Variants in PRRC2B observed in about 807,000 individuals in gnomAD.
PRRC2B encodes protein PRRC2B.
Under a neutral mutation model 242.3 loss-of-function variants are expected in PRRC2B, and 68 were observed. That is an observed-to-expected ratio of 0.28 (90% CI 0.23 to 0.34). PRRC2B has a LOEUF of 0.34. Among genes scored for constraint, PRRC2B ranks in the 10% least tolerant of loss-of-function variants. The probability of loss-of-function intolerance (pLI) is 1.00; values close to 1 mark genes in which losing one functional copy is unlikely to be tolerated. For missense variants in PRRC2B, 2,835 were observed against 2,954.8 expected (o/e 0.96, Z 0.94); for synonymous variants, 1,228 against 1,173.6 (o/e 1.05, Z -0.95).
intron 1 of PRRC2B, among the ~76,000 whole-genome samples, chr9:131,412,791 C>CTA (rs1339762231): frequency 9.1e-6 from 1 of 109,500 alleles, no homozygotes; most frequent in African/African-American, 3.1e-5. Context: ...AGCATTCTCT[C>CTA]TCTCTCTTTT....
chr9:131,432,662 C>T lies in PRRC2B; in HGVS notation c.161C>T (p.Ala54Val), dbSNP rs1285868493. Residue 54 changes from alanine to valine, a missense_variant, in exon 3 of 32, where the codon GCC becomes GTC. Transcript: ENST00000683519. ...GLQSLGKVAA[A>V]RRMPPPANLP... ...CAGAGTCTTGGGAAAGTTGCTGCAG[C>T]CCGGCGCATGCCACCGCCTGCAAAC... The T allele has an allele frequency of 2.5e-6, 4 of 1,613,942 alleles. No individual in the cohort carries two copies. The Admixed American group carries it at 5.0e-5, about 20-fold the overall frequency.
At chr9:131,448,341 C>G (rs760361499) in intron 9 of PRRC2B, 1 of 151,850 alleles carries the variant, frequency 6.6e-6, no homozygotes. Context: ...ATCAGGAGAT[C>G]GAGACCATCC....
At chr9:131,417,898 C>G (rs193079448) in intron 1 of PRRC2B, among the ~76,000 whole-genome samples, 10 of 152,312 alleles carry the variant, frequency 6.6e-5, no homozygotes, top group Admixed American at 6.5e-4. Context: ...GAGCATGACT[C>G]TCTTTTTGTG....
chr9:131,450,423 T>C (rs1307276457), intron 9 of PRRC2B, among the ~76,000 whole-genome samples: 1 of 151,742 alleles, frequency 6.6e-6, no homozygotes, highest in Non-Finnish European at 1.5e-5. Flanking sequence ...GCGCACCACA[T>C]GCCCAACTAA....
At chr9:131,419,706 T>A (rs1837747477) in intron 1 of PRRC2B, among the ~76,000 whole-genome samples, 1 of 152,178 alleles carries the variant, frequency 6.6e-6, no homozygotes, top group African/African-American at 2.4e-5. Context: ...TAACATGGTA[T>A]GTTCATCTTA....
Position 131,470,930 on chromosome 9 carries a change from T to TCA in PRRC2B, c.2056_2057dup (p.Pro687ArgfsTer19). The TCA allele has an allele frequency of 6.2e-7, 1 of 1,604,550 alleles. No homozygotes were observed. The highest frequency in any genetic ancestry group is 8.5e-7 in the Non-Finnish European group (1 of 1,174,094). On this transcript the variant is annotated frameshift_variant, in exon 14 of 32. Transcript: ENST00000683519. LOFTEE classifies it high-confidence loss of function. Reference sequence around the variant, plus strand: ...ATGCCTTCCTACATGGACCCACGTATCACGCCCACTCGGACCCCGGTGGAC... The same window carrying TCA: ...ATGCCTTCCTACATGGACCCACGTATCACACGCCCACTCGGACCCCGGTGGAC...
At chr9:131,427,714 A>G (rs1180617510) in intron 1 of PRRC2B, among the ~76,000 whole-genome samples, 1 of 152,120 alleles carries the variant, frequency 6.6e-6, no homozygotes, top group East Asian at 1.9e-4. Flanking sequence ...CCTGGCCTGC[A>G]TGGTGTCAGA....
intron 1 of PRRC2B, among the ~76,000 whole-genome samples, chr9:131,426,349 A>G (rs1249187948): frequency 6.6e-6 from 1 of 151,228 alleles, no homozygotes; most frequent in African/African-American, 2.4e-5. Context: ...AAAAAAAAAA[A>G]AAAAAAAAAA....
chr9:131,430,272 G>A lies in PRRC2B; in HGVS notation c.115+13G>A, dbSNP rs1838095716. 2.0e-6 allele frequency: 3 copies of A among 1,495,914 alleles called. No individual in the cohort carries two copies. The highest frequency in any genetic ancestry group is 1.7e-4 in the Middle Eastern group (1 of 5,868). 92.7% of individuals were successfully genotyped at this position (1,495,914 alleles called of 1,614,324 possible). ...ATTAGATCCTCAGGTAAGGCCCAGGGTTGAAGGCCAGTTCCTCAAACTTTC... is the reference window on the plus strand; with the variant it reads ...ATTAGATCCTCAGGTAAGGCCCAGGATTGAAGGCCAGTTCCTCAAACTTTC... On this transcript the variant is annotated intron_variant, in intron 2 of 31. Transcript: ENST00000683519.
At chr9:131,420,464 T>C (rs1187798081) in intron 1 of PRRC2B, among the ~76,000 whole-genome samples, 22 of 8,940 alleles carry the variant, frequency 2.5e-3, no homozygotes, top group South Asian at 9.3e-3. Context: ...TTTCTTTCTT[T>C]CTTTCTTTCT....
rs1943755736 is a variant in PRRC2B at position 131,478,087 on chromosome 9, TG to T, written c.4612+142del. The T allele has an allele frequency of 1.0e-4, 75 of 726,912 alleles. 1 individual carries two copies. The South Asian group carries it at 1.3e-3, about 13-fold the overall frequency. 45.0% of individuals were successfully genotyped at this position (726,912 alleles called of 1,614,324 possible). A position where few individuals can be genotyped will look rare whatever the true frequency, so the allele number is the denominator to read the frequency against. ...CTCGGCCAGGCCCTGGGCTGGGTTC[TG>T]GGGCTGTAGAGGTGAGCAGAGTAGG... On this transcript the variant is annotated intron_variant, in intron 17 of 31. Transcript: ENST00000683519.
At chr9:131,467,879 CA>C in intron 13 of PRRC2B, 126 bp downstream of exon 13, 2 of 931,044 alleles carry the variant, frequency 2.1e-6, no homozygotes, top group Non-Finnish European at 3.2e-6. Flanking sequence ...TATGTGCCCC[CA>C]AGACCAGTGG....
chr9:131,390,509 G>T (rs1836886277), upstream of PRRC2B, among the ~76,000 whole-genome samples: 1 of 110,982 alleles, frequency 9.0e-6, no homozygotes, highest in African/African-American at 3.4e-5. Context: ...TTGAGACAGA[G>T]TCTTGCTCTG....
At chr9:131,478,364 T>C in intron 17 of PRRC2B, 110 bp from the exon 18 acceptor site, 2 of 1,075,288 alleles carry the variant, frequency 1.9e-6, no homozygotes, top group Admixed American at 2.0e-5. Flanking sequence ...GGAAGTCCTG[T>C]CCAGGTTTCT....
At chr9:131,471,034 G>A in intron 14 of PRRC2B, 51 bp downstream of exon 14, 1 of 1,349,364 alleles carries the variant, frequency 7.4e-7, no homozygotes, top group African/African-American at 1.5e-5. Flanking sequence ...GGATAGCGTG[G>A]TGGTCAAGGG....
chr9:131,430,606 T>C (rs1437558905), intron 2 of PRRC2B, among the ~76,000 whole-genome samples: 1 of 150,214 alleles, frequency 6.7e-6, no homozygotes, highest in Non-Finnish European at 1.5e-5. Flanking sequence ...TATATATATG[T>C]TTTGGAGACA....
Position 131,495,923 on chromosome 9 carries a change from A to G in PRRC2B, c.*49A>G, listed in dbSNP as rs199886335. 175 of 1,579,508 alleles carry G rather than the reference A, an allele frequency of 1.1e-4. No individual in the cohort carries two copies. The African/African-American group carries it at 2.2e-3, about 20-fold the overall frequency. On this transcript the variant is annotated 3_prime_UTR_variant, in exon 32 of 32. Coordinates refer to ENST00000683519, the MANE Select transcript of PRRC2B (RefSeq NM_013318.4). ...TCTCCCTACTGAGGACGGTGCCGCC[A>G]TGCGGCCTCGACACAGCCGACACTC... is the stretch of plus-strand genomic sequence containing the variant.
chr9:131,460,976 A>T (rs1455964270), intron 11 of PRRC2B, among the ~76,000 whole-genome samples: 1 of 152,140 alleles, frequency 6.6e-6, no homozygotes, highest in Non-Finnish European at 1.5e-5. Context: ...GTGTGCACAA[A>T]TACACACTTT....
At chr9:131,448,567 A>AAAAAAAAAAAAAAAAAAAAG in intron 9 of PRRC2B, among the ~76,000 whole-genome samples, 1 of 146,254 alleles carries the variant, frequency 6.8e-6, no homozygotes, top group Non-Finnish European at 1.5e-5. Context: ...AAAAAAAAAA[A>AAAAAAAAAAAAAAAAAAAAG]AAAGGAAAGA....
Sources: gnomAD v4.1 joint callset for allele counts (sites outside exome capture counted in the v4.1 genomes callset) on GRCh38, gnomAD v4.1.1 for gene constraint, MANE v1.5 for transcripts, NCBI Gene and HGNC (gene_info 2026-07-23, HGNC 2026-07-21) for gene names.